Variants in PRELID3A observed in about 807,000 individuals in gnomAD.
PRELID3A encodes the protein PRELI domain containing 3A.
Under a neutral mutation model 23.0 loss-of-function variants are expected in PRELID3A, and 27 were observed. The ratio of observed to expected loss-of-function variants is 1.17; its 90% CI spans 0.87 to 1.62. The LOEUF is 1.62. Ranked by LOEUF, PRELID3A falls within the 40% of genes most tolerant of loss-of-function variation. The pLI, the probability that PRELID3A is intolerant of heterozygous loss-of-function variation, is 0.00. For synonymous variants in PRELID3A, 87 were observed against 86.4 expected, an observed-to-expected ratio of 1.01 and a Z score of -0.04; for missense variants, 231 against 231.4, an observed-to-expected ratio of 1.00 and a Z score of 0.01.
At chr18:12,417,113 G>T (rs904503131) in intron 1 of PRELID3A, among the ~76,000 whole-genome samples, 25 of 152,232 alleles carry the variant, frequency 1.6e-4, no homozygotes, top group African/African-American at 5.5e-4. Flanking sequence ...TTTATTATGT[G>T]CATATTTTAA....
At chr18:12,411,119 C>T (rs1909893344) in intron 1 of PRELID3A, among the ~76,000 whole-genome samples, 1 of 151,796 alleles carries the variant, frequency 6.6e-6, no homozygotes, top group African/African-American at 2.4e-5. Flanking sequence ...AACAGAGAGC[C>T]CGGGGAAAGG....
chr18:12,430,620 GTA>G (rs2030549961), intron 6 of PRELID3A, among the ~76,000 whole-genome samples: 1 of 150,350 alleles, frequency 6.7e-6, no homozygotes, highest in African/African-American at 2.5e-5. Flanking sequence ...TGTGCTCTGT[GTA>G]TGTGATGTGT....
intron 1 of PRELID3A, among the ~76,000 whole-genome samples, chr18:12,414,200 C>T (rs910907901): frequency 1.3e-5 from 2 of 151,842 alleles, no homozygotes; most frequent in African/African-American, 2.4e-5. Context: ...TGTTCCCTCA[C>T]ACAGAATATC....
At chr18:12,421,312 C>A in intron 2 of PRELID3A, 1 of 523,562 alleles carries the variant, frequency 1.9e-6, no homozygotes. Context: ...TTGCCGGGAG[C>A]ATAGTGCTGC....
At chr18:12,413,594 T>TA (rs1487094128) in intron 1 of PRELID3A, among the ~76,000 whole-genome samples, 234 of 151,884 alleles carry the variant, frequency 1.5e-3, no homozygotes, top group African/African-American at 5.6e-3. Flanking sequence ...TTTATTTATT[T>TA]TTTTTCCAAG....
At chr18:12,420,242 G>C (rs375043234) in intron 1 of PRELID3A, 83 bp from the exon 2 acceptor site, 85 of 1,498,294 alleles carry the variant, frequency 5.7e-5, no homozygotes, top group East Asian at 4.2e-4. Context: ...CGTTGCCCAG[G>C]CCTGGCGGCG....
intron 1 of PRELID3A, among the ~76,000 whole-genome samples, chr18:12,415,497 T>C (rs939994243): frequency 2.0e-5 from 3 of 151,436 alleles, no homozygotes; most frequent in African/African-American, 4.9e-5. Flanking sequence ...TGTCAAGTGA[T>C]CCGCCCGCCT....
intron 1 of PRELID3A, among the ~76,000 whole-genome samples, chr18:12,411,935 G>A (rs911639263): frequency 2.7e-5 from 4 of 147,230 alleles, no homozygotes; most frequent in African/African-American, 1.0e-4. Flanking sequence ...TTTTGAGACG[G>A]AGTCTCGCTC....
At chr18:12,410,467 TGTGGTACCATGAG>T (rs1176154383) in intron 1 of PRELID3A, among the ~76,000 whole-genome samples, 4 of 152,184 alleles carry the variant, frequency 2.6e-5, no homozygotes, top group African/African-American at 7.2e-5. Context: ...TTATGAATGA[TGTGGTACCATGAG>T]GTGGTACCAT....
chr18:12,426,153 C>CCTG (rs1211885160), intron 3 of PRELID3A, among the ~76,000 whole-genome samples: 1 of 148,558 alleles, frequency 6.7e-6, no homozygotes, highest in African/African-American at 2.5e-5. Context: ...GCAGGGGAAT[C>CCTG]ACTTCAACCT....
chr18:12,430,001 G>A (rs888949493), intron 6 of PRELID3A, among the ~76,000 whole-genome samples: 7 of 152,242 alleles, frequency 4.6e-5, no homozygotes, highest in South Asian at 2.1e-4. Flanking sequence ...GACGGCCAGC[G>A]GCCACCAGGG....
chr18:12,424,374 A>T (rs1236566241), intron 3 of PRELID3A, among the ~76,000 whole-genome samples: 1 of 152,194 alleles, frequency 6.6e-6, no homozygotes, highest in Non-Finnish European at 1.5e-5. Flanking sequence ...TGCTATTTAC[A>T]TTTTCTGAGT....
Position 12,427,032 on chromosome 18 carries a change from CTTTT to C in PRELID3A, c.292-7_292-4del. ...GAAATACAATCTAAACCTTTTTTTTCTTTTTAAGATCACACTCACAAATTTGGTG... is the reference window on the plus strand; with the variant it reads ...GAAATACAATCTAAACCTTTTTTTTCTAAGATCACACTCACAAATTTGGTG... On this transcript the variant is annotated splice_polypyrimidine_tract_variant and splice_region_variant and intron_variant, in intron 3 of 6. Transcript: ENST00000440960. 1 of 1,598,898 alleles carries C rather than the reference CTTTT, an allele frequency of 6.3e-7. No homozygotes were observed. Among genetic ancestry groups the C allele is most frequent in the Non-Finnish European group, 8.6e-7 (1 of 1,169,058 alleles).
chr18:12,422,464 T>C (rs2030217249), intron 3 of PRELID3A: 1 of 152,016 alleles, frequency 6.6e-6, no homozygotes. Flanking sequence ...TTTCAAGCCA[T>C]TCTCCTGCCT....
At position 12,420,485 on chromosome 18, in the gene PRELID3A, G is replaced by T; in HGVS notation, c.193G>T (p.Val65Leu). The change falls in exon 2 of 7, where the codon GTG (valine) becomes TTG (leucine). Residue 65 changes from valine (V) to leucine (L), a missense_variant. By Grantham distance (32) the Val-to-Leu change is conservative. Transcript: ENST00000440960. ...LSTEWGLPSL[V>L]RAILGTSRTL... ...CACCGAGTGGGGGCTGCCCAGCCTC[G>T]TGAGAGCGGTGAGCGGGGCGGGGGC... 1.3e-6 allele frequency: 2 copies of T among 1,536,732 alleles called. No homozygotes were observed. The highest frequency in any genetic ancestry group is 1.8e-6 in the Non-Finnish European group (2 of 1,140,308).
chr18:12,430,746 GTGTGTGTGCA>G (rs370502591), intron 6 of PRELID3A, among the ~76,000 whole-genome samples: 29,787 of 149,672 alleles, frequency 0.2, 3,062 homozygotes, highest in South Asian at 0.33. Flanking sequence ...TATGTGTGTG[GTGTGTGTGCA>G]TGTGTGTGAT....
At chr18:12,415,759 T>C (rs1176755692) in intron 1 of PRELID3A, among the ~76,000 whole-genome samples, 1 of 152,192 alleles carries the variant, frequency 6.6e-6, no homozygotes, top group African/African-American at 2.4e-5. Context: ...ATTTCCTCCT[T>C]CTTCATCTTC....
intron 1 of PRELID3A, among the ~76,000 whole-genome samples, chr18:12,415,522 G>A (rs527827024): frequency 1.3e-5 from 2 of 152,262 alleles, no homozygotes; most frequent in African/African-American, 4.8e-5. Context: ...CTCCCAAAGT[G>A]CTGGGATTAC....
At chr18:12,429,464 G>A (rs2030494968) in intron 6 of PRELID3A, 28 bp downstream of exon 6, 17 of 1,477,746 alleles carry the variant, frequency 1.2e-5, no homozygotes, top group Non-Finnish European at 1.5e-5. Context: ...TCACCTGGGG[G>A]GGTACTTGCA....
Sources: gnomAD v4.1 joint callset for allele counts (sites outside exome capture counted in the v4.1 genomes callset) on GRCh38, gnomAD v4.1.1 for gene constraint, MANE v1.5 for transcripts, NCBI Gene and HGNC (gene_info 2026-07-23, HGNC 2026-07-21) for gene names.